MYO1B: variants seen among roughly 807,000 people sequenced by gnomAD.
MYO1B encodes the protein myosin IB.
A neutral mutation model predicts 159.7 loss-of-function variants in MYO1B; 72 were observed. That is an observed-to-expected ratio of 0.45 (90% CI 0.37 to 0.55). The LOEUF (loss-of-function observed/expected upper bound fraction) is 0.55, where lower values mean the gene tolerates loss of function less well. MYO1B is among the 20% of genes least tolerant of loss of function. MYO1B has a pLI of 0.00. For missense variants in MYO1B, 1,062 were observed against 1,364.8 expected, an observed-to-expected ratio of 0.78 and a Z score of 3.50; for synonymous variants, 468 against 473.8, an observed-to-expected ratio of 0.99 and a Z score of 0.16.
At chr2:191,407,961 A>G (rs188833801) in intron 24 of MYO1B, 154 bp from the exon 25 acceptor site, 6 of 453,372 alleles carry the variant, frequency 1.3e-5, no homozygotes, top group East Asian at 3.3e-5. Context: ...CTTAAGATCC[A>G]CTATATGAAT....
chr2:191,263,933 AT>A (rs1686968482), intron 1 of MYO1B, among the ~76,000 whole-genome samples: 1 of 152,210 alleles, frequency 6.6e-6, no homozygotes, highest in African/African-American at 2.4e-5. Context: ...CTTAAAAATG[AT>A]TAGTTATGGC....
chr2:191,410,978 G>A, intron 26 of MYO1B, 88 bp from the exon 27 acceptor site: 1 of 713,062 alleles, frequency 1.4e-6, no homozygotes, highest in Non-Finnish European at 2.2e-6. Flanking sequence ...TATTCTTGTT[G>A]CTGATAAATT....
chr2:191,307,254 A>G (rs1689704712), intron 3 of MYO1B, among the ~76,000 whole-genome samples: 2 of 151,832 alleles, frequency 1.3e-5, no homozygotes, highest in Admixed American at 6.5e-5. Context: ...TAGACCACGT[A>G]GAGTAACTTC....
chr2:191,264,853 T>TG (rs1687033926), intron 1 of MYO1B, among the ~76,000 whole-genome samples: 1 of 151,704 alleles, frequency 6.6e-6, no homozygotes, highest in Non-Finnish European at 1.5e-5. Context: ...CTTGTTTTTT[T>TG]TTGTTGAATC....
At chr2:191,327,521 TG>T (rs1329122014) in intron 3 of MYO1B, among the ~76,000 whole-genome samples, 7 of 152,262 alleles carry the variant, frequency 4.6e-5, no homozygotes, top group Non-Finnish European at 5.9e-5. Context: ...GGTAATGACT[TG>T]CTTGAAGTCA....
chr2:191,340,112 A>G (rs1045638477), intron 4 of MYO1B, among the ~76,000 whole-genome samples: 2 of 152,104 alleles, frequency 1.3e-5, no homozygotes, highest in Admixed American at 1.3e-4. Flanking sequence ...ACCAGGGAAT[A>G]TGTTTTCTTC....
chr2:191,415,521 T>C (rs1697502688), intron 29 of MYO1B, among the ~76,000 whole-genome samples: 1 of 151,796 alleles, frequency 6.6e-6, no homozygotes, highest in South Asian at 2.1e-4. Context: ...AAAATTCTGA[T>C]GCCCAGGCCA....
At chr2:191,390,607 T>G (rs1695688334) in intron 18 of MYO1B, 115 bp downstream of exon 18, 2 of 1,213,840 alleles carry the variant, frequency 1.6e-6, no homozygotes, top group African/African-American at 3.1e-5. Flanking sequence ...GGATGTAACC[T>G]CTGTTTTGGA....
intron 21 of MYO1B, among the ~76,000 whole-genome samples, chr2:191,398,895 T>A (rs1419659473): frequency 6.6e-6 from 1 of 152,234 alleles, no homozygotes; most frequent in African/African-American, 2.4e-5. Context: ...ATCTCGGCTC[T>A]TTGGGAGGCC....
At position 191,308,152 on chromosome 2, in the gene MYO1B, G is replaced by T. The variant is rs188567168; in HGVS notation, c.251+11926G>T. Among the ~76,000 whole-genome samples, 526 of 152,140 alleles carry T rather than the reference G, an allele frequency of 3.5e-3. 4 individuals carry two copies. Among genetic ancestry groups the T allele is most frequent in the African/African-American group, 0.012 (510 of 41,484 alleles). Reference sequence around the variant, plus strand: ...GGGCCCCACCTGAGTCCCCTCATTTGCATAACCTCAGGTATGGGCGAAAGG... The same window carrying T: ...GGGCCCCACCTGAGTCCCCTCATTTTCATAACCTCAGGTATGGGCGAAAGG... On this transcript the variant is annotated intron_variant, in intron 3 of 30. Transcript: ENST00000392318.
intron 13 of MYO1B, among the ~76,000 whole-genome samples, chr2:191,380,294 A>C (rs754807204): frequency 6.6e-6 from 1 of 152,200 alleles, no homozygotes; most frequent in South Asian, 2.1e-4. Flanking sequence ...TTTCACTTCT[A>C]TCATGTATGG....
At chr2:191,378,966 T>G (rs1206665322) in intron 13 of MYO1B, among the ~76,000 whole-genome samples, 1 of 152,222 alleles carries the variant, frequency 6.6e-6, no homozygotes, top group African/African-American at 2.4e-5. Flanking sequence ...ATTTTGAAGC[T>G]TTAAAGCTTC....
At chr2:191,280,552 A>G (rs1687997776) in intron 2 of MYO1B, among the ~76,000 whole-genome samples, 1 of 152,190 alleles carries the variant, frequency 6.6e-6, no homozygotes, top group African/African-American at 2.4e-5. Flanking sequence ...TCCAAGTCAG[A>G]GTCCTGAGAT....
At chr2:191,401,289 T>A (rs1696600727) in intron 23 of MYO1B, among the ~76,000 whole-genome samples, 1 of 151,534 alleles carries the variant, frequency 6.6e-6, no homozygotes, top group Non-Finnish European at 1.5e-5. Flanking sequence ...ATGAATGAAA[T>A]TTTTTTTTAG....
intron 1 of MYO1B, among the ~76,000 whole-genome samples, chr2:191,253,979 T>G (rs916898112): frequency 1.3e-5 from 2 of 152,208 alleles, no homozygotes; most frequent in Non-Finnish European, 2.9e-5. Flanking sequence ...TGTGCCAAGG[T>G]GCTTCATGGT....
At chr2:191,356,727 T>A (rs1417828904) in intron 7 of MYO1B, among the ~76,000 whole-genome samples, 1 of 152,228 alleles carries the variant, frequency 6.6e-6, no homozygotes, top group African/African-American at 2.4e-5. Flanking sequence ...TTCATTAATT[T>A]TATTTCAGGA....
intron 13 of MYO1B, among the ~76,000 whole-genome samples, chr2:191,375,499 AGATAGATAGATAGATG>A (rs1694645089): frequency 6.7e-6 from 1 of 149,042 alleles, no homozygotes; most frequent in African/African-American, 2.4e-5. Flanking sequence ...ATAGATAGAT[AGATAGATAGATAGATG>A]GATCCAACTG....
chr2:191,396,401 G>C (rs1696074417), intron 20 of MYO1B, 28 bp from the exon 21 acceptor site: 1 of 1,610,348 alleles, frequency 6.2e-7, no homozygotes, highest in Non-Finnish European at 8.5e-7. Context: ...AACTACAACT[G>C]CCAATATCTT....
At chr2:191,281,911 G>A (rs1306933528) in intron 2 of MYO1B, among the ~76,000 whole-genome samples, 3 of 152,120 alleles carry the variant, frequency 2.0e-5, no homozygotes, top group Admixed American at 6.5e-5. Flanking sequence ...TGTAGTTGTA[G>A]GAGTGACTAC....
Sources: allele counts gnomAD v4.1 joint callset (sites outside exome capture counted in the v4.1 genomes callset), GRCh38; gene constraint gnomAD v4.1.1; transcripts MANE v1.5; gene names NCBI Gene and HGNC (gene_info 2026-07-23, HGNC 2026-07-21).